Variants in TBL1XR1 observed in about 807,000 individuals in gnomAD.
TBL1XR1 encodes TBL1X/Y related 1.
TBL1XR1 carries 5 observed loss-of-function variants against 66.9 expected under a neutral mutation model. The ratio of observed to expected loss-of-function variants is 0.07; its 90% CI spans 0.04 to 0.16. The LOEUF (loss-of-function observed/expected upper bound fraction) is 0.16, where lower values mean the gene tolerates loss of function less well. Ranked by LOEUF, TBL1XR1 falls within the 10% of genes least tolerant of loss-of-function variation. TBL1XR1 has a pLI of 1.00. For synonymous variants in TBL1XR1, 210 were observed against 206.0 expected (o/e 1.02, Z -0.17); for missense variants, 238 against 623.2 (o/e 0.38, Z 6.58).
intron 2 of TBL1XR1, among the ~76,000 whole-genome samples, chr3:177,074,061 C>A (rs1016622782): frequency 6.6e-6 from 1 of 152,198 alleles, no homozygotes; most frequent in Non-Finnish European, 1.5e-5. Flanking sequence ...TGATTCATTA[C>A]ATACTCAACC....
chr3:177,089,280 T>C (rs1033809100), intron 2 of TBL1XR1, among the ~76,000 whole-genome samples: 2 of 152,102 alleles, frequency 1.3e-5, no homozygotes, highest in Admixed American at 6.5e-5. Context: ...CACTCAACTT[T>C]CCCAAGCAGC....
chr3:177,144,350 A>G (rs1405460390), intron 1 of TBL1XR1, among the ~76,000 whole-genome samples: 2 of 152,234 alleles, frequency 1.3e-5, no homozygotes, highest in African/African-American at 4.8e-5. Context: ...ATCGTTCTCC[A>G]TCTTAAGCCA....
chr3:177,172,681 GGGA>G (rs1733697987), intron 1 of TBL1XR1, among the ~76,000 whole-genome samples: 1 of 124,424 alleles, frequency 8.0e-6, no homozygotes, highest in African/African-American at 2.9e-5. Flanking sequence ...GGGAGGGGAG[GGGA>G]GAGGGGAGGG....
At chr3:177,090,361 C>A (rs1175768580) in intron 2 of TBL1XR1, among the ~76,000 whole-genome samples, 2 of 151,754 alleles carry the variant, frequency 1.3e-5, no homozygotes, top group South Asian at 2.1e-4. Flanking sequence ...TTTTTAAATT[C>A]TAAATACTAA....
At chr3:177,157,547 G>C (rs1444307726) in intron 1 of TBL1XR1, among the ~76,000 whole-genome samples, 4 of 152,180 alleles carry the variant, frequency 2.6e-5, no homozygotes, top group South Asian at 4.1e-4. Context: ...TGGTTTAAAT[G>C]AGGATTACCT....
At chr3:177,122,218 T>C (rs1485424044) in intron 1 of TBL1XR1, among the ~76,000 whole-genome samples, 1 of 151,974 alleles carries the variant, frequency 6.6e-6, no homozygotes, top group East Asian at 1.9e-4. Flanking sequence ...AATACATTGT[T>C]AGGTACTATA....
At chr3:177,034,512 A>T (rs924732288) in intron 12 of TBL1XR1, among the ~76,000 whole-genome samples, 187 bp from the exon 13 acceptor site, 4 of 83,180 alleles carry the variant, frequency 4.8e-5, no homozygotes, top group Admixed American at 2.4e-4. Flanking sequence ...ATCTCTGTTT[A>T]AAAAAAAAAG....
chr3:177,119,066 C>T (rs906194236), intron 1 of TBL1XR1, among the ~76,000 whole-genome samples: 7 of 152,118 alleles, frequency 4.6e-5, no homozygotes, highest in African/African-American at 1.4e-4. Context: ...CCGCCTCCTA[C>T]GTTCAAGCAC....
intron 1 of TBL1XR1, among the ~76,000 whole-genome samples, chr3:177,169,247 T>C (rs116117923): frequency 0.023 from 3,428 of 152,322 alleles, 138 homozygotes; most frequent in African/African-American, 0.079. Context: ...AATCTAGAAT[T>C]TATACCTTTT....
At chr3:177,175,337 G>A (rs1224290480) in intron 1 of TBL1XR1, among the ~76,000 whole-genome samples, 1 of 152,128 alleles carries the variant, frequency 6.6e-6, no homozygotes, top group East Asian at 1.9e-4. Context: ...TCAAAAATGT[G>A]TTTGGTGATA....
intron 3 of TBL1XR1, among the ~76,000 whole-genome samples, chr3:177,059,695 T>C (rs1718264340): frequency 6.6e-6 from 1 of 152,164 alleles, no homozygotes; most frequent in Admixed American, 6.5e-5. Flanking sequence ...TTCTTATATA[T>C]CATCCTGGTT....
rs142958238 is a variant in TBL1XR1 at position 177,164,862 on chromosome 3, T to A, written c.-122+32259A>T. Among the ~76,000 whole-genome samples the A allele has an allele frequency of 9.6e-4, 146 of 152,316 alleles. 2 individuals are homozygous for A. The East Asian group carries it at 0.027, about 28-fold the overall frequency. On this transcript the variant is annotated intron_variant, in intron 1 of 15. Coordinates refer to ENST00000457928, the MANE Select transcript of TBL1XR1 (RefSeq NM_024665.7). Reference sequence around the variant, plus strand: ...GATTATGAACTACAAGACTATGGTATCCCTAAAAATTTCAAATACTCTACA... The same window carrying A: ...GATTATGAACTACAAGACTATGGTAACCCTAAAAATTTCAAATACTCTACA...
At chr3:177,176,264 G>A (rs917561077) in intron 1 of TBL1XR1, among the ~76,000 whole-genome samples, 2 of 151,284 alleles carry the variant, frequency 1.3e-5, no homozygotes, top group African/African-American at 2.4e-5. Flanking sequence ...GTGCGATCTC[G>A]GCTCACTGCA....
chr3:177,182,472 T>C (rs891336381), intron 1 of TBL1XR1, among the ~76,000 whole-genome samples: 1 of 152,210 alleles, frequency 6.6e-6, no homozygotes, highest in Admixed American at 6.5e-5. Flanking sequence ...CTTTCCAGTT[T>C]TGTATATGTG....
chr3:177,051,563 G>C lies in TBL1XR1; in HGVS notation c.368C>G (p.Ser123Cys), dbSNP rs1173018868. 1.9e-6 allele frequency: 3 copies of C among 1,613,408 alleles called. No homozygotes were observed. The African/African-American group carries it at 4.0e-5, about 22-fold the overall frequency. ...AAAAAASQQGSAKNGENTANG... is the reference protein window; with the variant it reads ...AAAAAASQQGCAKNGENTANG... ...TGCTGTGTTTTCTCCATTTTTTGCA[G>C]ATCCTTGTTGGCTGGCTGCAGCTGC... The change falls in exon 5 of 16, where the codon TCT (serine) becomes TGT (cysteine). Residue 123 changes from serine to cysteine, a missense_variant. Physicochemically the swap from Ser to Cys is moderately radical, Grantham distance 112. Transcript: ENST00000457928.
chr3:177,121,370 A>C (rs960019947), intron 1 of TBL1XR1, among the ~76,000 whole-genome samples: 2 of 152,202 alleles, frequency 1.3e-5, no homozygotes, highest in African/African-American at 4.8e-5. Context: ...ATTTGTCATA[A>C]TAAAAATTTA....
chr3:177,038,819 T>C (rs1310352018), intron 10 of TBL1XR1, among the ~76,000 whole-genome samples: 1 of 152,204 alleles, frequency 6.6e-6, no homozygotes, highest in Non-Finnish European at 1.5e-5. Context: ...CTCGGTTCTG[T>C]CACTGCATAA....
At chr3:177,075,021 G>C (rs909879228) in intron 2 of TBL1XR1, among the ~76,000 whole-genome samples, 4 of 152,176 alleles carry the variant, frequency 2.6e-5, no homozygotes, top group African/African-American at 9.7e-5. Context: ...ATGTCCTTCT[G>C]CATCAGTTTC....
intron 10 of TBL1XR1, 50 bp from the exon 11 acceptor site, chr3:177,038,484 T>C (rs2108437877): frequency 1.4e-6 from 2 of 1,433,538 alleles, no homozygotes; most frequent in South Asian, 1.6e-5. Flanking sequence ...TGTACTAAAA[T>C]CCAAGAGTTT....
Sources: gnomAD v4.1 joint callset for allele counts (sites outside exome capture counted in the v4.1 genomes callset) on GRCh38, gnomAD v4.1.1 for gene constraint, MANE v1.5 for transcripts, NCBI Gene and HGNC (gene_info 2026-07-23, HGNC 2026-07-21) for gene names.